Variants in STARD3NL observed in about 807,000 individuals in gnomAD.
STARD3NL encodes STARD3 N-terminal-like protein.
STARD3NL carries 17 observed loss-of-function variants against 30.9 expected under a neutral mutation model. The observed-to-expected ratio is 0.55, with a 90% CI of 0.38 to 0.82. The LOEUF is 0.82. Ranked by LOEUF, STARD3NL falls within the 40% of genes least tolerant of loss-of-function variation. STARD3NL has a pLI of 0.00. For missense variants in STARD3NL, 234 were observed against 277.6 expected (o/e 0.84, Z 1.12); for synonymous variants, 112 against 100.5 (o/e 1.11, Z -0.69).
chr7:38,204,025 C>T (rs1352959825), intron 1 of STARD3NL, among the ~76,000 whole-genome samples: 1 of 152,138 alleles, frequency 6.6e-6, no homozygotes. Flanking sequence ...GACTCCCACA[C>T]AATAATAATG....
intron 2 of STARD3NL, among the ~76,000 whole-genome samples, chr7:38,210,014 T>C (rs764075516): frequency 6.6e-6 from 1 of 152,244 alleles, no homozygotes; most frequent in Non-Finnish European, 1.5e-5. Flanking sequence ...TTTTTTAGTA[T>C]GATTGTTTTT....
In STARD3NL at chr7:38,193,489, G is replaced by A. The variant is rs185298425; in HGVS notation, c.-58-13958G>A. On this transcript the variant is annotated intron_variant, in intron 1 of 8. Transcript: ENST00000009041. ...AATTTTTTGTATTTTTAGTAGAGAC[G>A]GGGTTTCACTGTGTTAGCCAGGATG... Among the ~76,000 whole-genome samples the A allele has an allele frequency of 1.2e-4, 18 of 152,188 alleles. No individual in the cohort carries two copies. The East Asian group carries it at 3.3e-3, about 28-fold the overall frequency.
At chr7:38,205,514 T>C (rs141055389) in intron 1 of STARD3NL, among the ~76,000 whole-genome samples, 2 of 152,352 alleles carry the variant, frequency 1.3e-5, no homozygotes, top group East Asian at 3.9e-4. Context: ...TTAGTGACTA[T>C]ACTGTGGCTA....
intron 1 of STARD3NL, among the ~76,000 whole-genome samples, chr7:38,180,603 A>G (rs1356954940): frequency 6.6e-6 from 1 of 152,186 alleles, no homozygotes; most frequent in East Asian, 1.9e-4. Context: ...CCTTTTTGAT[A>G]GTGAGGGAAA....
At chr7:38,227,210 T>C (rs1786821016) in intron 7 of STARD3NL, among the ~76,000 whole-genome samples, 1 of 152,190 alleles carries the variant, frequency 6.6e-6, no homozygotes, top group African/African-American at 2.4e-5. Context: ...TTCCAAGACA[T>C]GGCAACTCAC....
chr7:38,203,246 AC>A (rs755221483), intron 1 of STARD3NL, among the ~76,000 whole-genome samples: 17 of 152,224 alleles, frequency 1.1e-4, no homozygotes, highest in Non-Finnish European at 2.4e-4. Flanking sequence ...AGGTCGGGTT[AC>A]CCACAAAGGG....
At chr7:38,224,769 A>G (rs1786659551) in intron 7 of STARD3NL, among the ~76,000 whole-genome samples, 1 of 152,248 alleles carries the variant, frequency 6.6e-6, no homozygotes, top group Non-Finnish European at 1.5e-5. Context: ...CATATATGCC[A>G]AAGAGAAACC....
chr7:38,181,303 C>A (rs879900735), intron 1 of STARD3NL, among the ~76,000 whole-genome samples: 11 of 152,198 alleles, frequency 7.2e-5, no homozygotes, highest in African/African-American at 2.4e-4. Flanking sequence ...CTCATAGTTT[C>A]TCTTAGCAAG....
intron 1 of STARD3NL, among the ~76,000 whole-genome samples, chr7:38,182,601 A>G (rs1407697909): frequency 2.0e-5 from 3 of 152,162 alleles, no homozygotes; most frequent in Non-Finnish European, 4.4e-5. Flanking sequence ...ATGATGTATC[A>G]GTACAGCTCA....
chr7:38,197,289 A>C (rs971335158), intron 1 of STARD3NL, among the ~76,000 whole-genome samples: 1 of 149,724 alleles, frequency 6.7e-6, no homozygotes, highest in Non-Finnish European at 1.5e-5. Context: ...GCAGTGGCGT[A>C]ATCTTAGCTC....
At chr7:38,184,897 ATTAT>A (rs766324314) in intron 1 of STARD3NL, among the ~76,000 whole-genome samples, 187 of 150,626 alleles carry the variant, frequency 1.2e-3, no homozygotes, top group Admixed American at 4.2e-3. Context: ...GTTTTGTTGC[ATTAT>A]TTGAGAGCAA....
chr7:38,201,885 C>A (rs182789277), intron 1 of STARD3NL: 1 of 152,182 alleles, frequency 6.6e-6, no homozygotes, highest in African/African-American at 2.4e-5. Context: ...GACAGGGTTT[C>A]CCTATGTTGG....
chr7:38,220,929 C>A (rs12701610), intron 7 of STARD3NL, among the ~76,000 whole-genome samples: 12,722 of 147,620 alleles, frequency 0.086, 655 homozygotes, highest in Middle Eastern at 0.15. Flanking sequence ...CATAGGGAGA[C>A]CTTGTCTCTA....
intron 7 of STARD3NL, among the ~76,000 whole-genome samples, chr7:38,225,974 A>G (rs1288560663): frequency 2.0e-5 from 3 of 152,170 alleles, no homozygotes; most frequent in Non-Finnish European, 4.4e-5. Context: ...TAATTCTTCA[A>G]ACATTTTTCT....
At chr7:38,181,160 G>A (rs2115878429) in intron 1 of STARD3NL, among the ~76,000 whole-genome samples, 1 of 152,272 alleles carries the variant, frequency 6.6e-6, no homozygotes, top group South Asian at 2.1e-4. Context: ...ATAGAAAGCT[G>A]TGGTTTAAAA....
intron 6 of STARD3NL, among the ~76,000 whole-genome samples, chr7:38,218,392 C>CT (rs2116367370): frequency 6.6e-6 from 1 of 152,302 alleles, no homozygotes; most frequent in East Asian, 1.9e-4. Flanking sequence ...ATTAATCAGA[C>CT]TGAGTTGTAC....
rs776030674 is a variant in STARD3NL at position 38,215,066 on chromosome 7, A to T, written c.342A>T (p.Ala114=). ...TTCGATTTAAAGTGTTAATACTTGC[A>T]TATGCTGTGTGCAGACTGCGCCATT... ...AVFRFKVLIL[A]YAVCRLRHWW... is the part of the protein sequence containing the mutation. Residue 114 remains alanine (A), a synonymous_variant, in exon 4 of 9, where the codon GCA becomes GCT. Transcript: ENST00000009041. 1.9e-6 allele frequency: 3 copies of T among 1,614,030 alleles called. No homozygotes were observed. In the East Asian group the frequency reaches 6.7e-5, roughly 36 times the overall value.
chr7:38,218,548 G>C (rs1410913705), intron 6 of STARD3NL, among the ~76,000 whole-genome samples: 1 of 152,210 alleles, frequency 6.6e-6, no homozygotes, highest in Non-Finnish European at 1.5e-5. Flanking sequence ...ACTGAGGCTT[G>C]AATGGTTATA....
chr7:38,189,042 A>G (rs1784576209), intron 1 of STARD3NL, among the ~76,000 whole-genome samples: 1 of 152,214 alleles, frequency 6.6e-6, no homozygotes, highest in African/African-American at 2.4e-5. Flanking sequence ...AATTACTTTT[A>G]TCTGCTGATG....
Sources: allele counts gnomAD v4.1 joint callset (sites outside exome capture counted in the v4.1 genomes callset), GRCh38; gene constraint gnomAD v4.1.1; transcripts MANE v1.5; gene names NCBI Gene and HGNC (gene_info 2026-07-23, HGNC 2026-07-21).